MEOX2: variants seen among roughly 807,000 people sequenced by gnomAD.
The protein encoded by MEOX2 is mesenchyme homeobox 2.
In MEOX2, 11 loss-of-function variants were observed where a neutral mutation model predicts 27.0. The observed-to-expected ratio is 0.41, with a 90% CI of 0.26 to 0.68. The LOEUF is 0.68. Among genes scored for constraint, MEOX2 ranks in the 30% least tolerant of loss-of-function variants. The probability of loss-of-function intolerance (pLI) is 0.33; values close to 1 mark genes in which losing one functional copy is unlikely to be tolerated. For synonymous variants in MEOX2, 189 were observed against 155.4 expected, an observed-to-expected ratio of 1.22 and a Z score of -1.61; for missense variants, 436 against 385.4, an observed-to-expected ratio of 1.13 and a Z score of -1.10.
At chr7:15,639,751 T>A (rs892281515) in intron 1 of MEOX2, among the ~76,000 whole-genome samples, 3 of 152,074 alleles carry the variant, frequency 2.0e-5, no homozygotes, top group African/African-American at 7.2e-5. Flanking sequence ...TTTGTTGACT[T>A]TGTTGGAGAT....
At chr7:15,623,805 C>T (rs1178765515) in intron 2 of MEOX2, among the ~76,000 whole-genome samples, 1 of 152,224 alleles carries the variant, frequency 6.6e-6, no homozygotes, top group East Asian at 1.9e-4. Flanking sequence ...TCATTCCTCT[C>T]CTGTGACATT....
At chr7:15,662,638 A>C (rs1781935579) in intron 1 of MEOX2, among the ~76,000 whole-genome samples, 1 of 152,188 alleles carries the variant, frequency 6.6e-6, no homozygotes, top group Non-Finnish European at 1.5e-5. Flanking sequence ...TTTAGTTTCC[A>C]TAGTGTTATA....
chr7:15,636,584 C>T (rs1219117395), intron 1 of MEOX2, among the ~76,000 whole-genome samples: 1 of 151,784 alleles, frequency 6.6e-6, no homozygotes, highest in Admixed American at 6.6e-5. Flanking sequence ...TTGTTTTTTG[C>T]AAAGATTTTC....
chr7:15,651,738 G>C (rs927894412), intron 1 of MEOX2, among the ~76,000 whole-genome samples: 1 of 151,784 alleles, frequency 6.6e-6, no homozygotes, highest in Admixed American at 6.6e-5. Context: ...TGAATTCATA[G>C]TAAGAAAGAC....
chr7:15,666,102 G>T (rs950825996), intron 1 of MEOX2, among the ~76,000 whole-genome samples: 1 of 152,092 alleles, frequency 6.6e-6, no homozygotes, highest in African/African-American at 2.4e-5. Context: ...GGAAATAAAG[G>T]AAGAAATGCC....
At chr7:15,665,605 A>T (rs556504345) in intron 1 of MEOX2, among the ~76,000 whole-genome samples, 2 of 152,218 alleles carry the variant, frequency 1.3e-5, no homozygotes, top group Non-Finnish European at 2.9e-5. Flanking sequence ...CAATTTTACC[A>T]TGTAGTAAAT....
chr7:15,619,022 G>C (rs1380258253), intron 2 of MEOX2, among the ~76,000 whole-genome samples: 2 of 151,954 alleles, frequency 1.3e-5, no homozygotes, highest in African/African-American at 4.8e-5. Context: ...GAAATATGGA[G>C]AATAATTGGT....
At chr7:15,631,249 G>A (rs1347989476) in intron 1 of MEOX2, among the ~76,000 whole-genome samples, 1 of 150,616 alleles carries the variant, frequency 6.6e-6, no homozygotes, top group South Asian at 2.1e-4. Context: ...AAAAATCATT[G>A]TACCTGCTGA....
At chr7:15,630,355 C>T (rs1781382403) in intron 1 of MEOX2, among the ~76,000 whole-genome samples, 1 of 151,990 alleles carries the variant, frequency 6.6e-6, no homozygotes, top group Non-Finnish European at 1.5e-5. Context: ...CAAGAGAATG[C>T]CAAAAGATAA....
At chr7:15,628,604 G>A (rs1437094331) in intron 1 of MEOX2, among the ~76,000 whole-genome samples, 1 of 152,116 alleles carries the variant, frequency 6.6e-6, no homozygotes, top group Non-Finnish European at 1.5e-5. Context: ...GTCATGCACA[G>A]GTTGATTGCA....
intron 1 of MEOX2, among the ~76,000 whole-genome samples, chr7:15,646,930 A>C (rs1430925816): frequency 6.6e-6 from 1 of 151,962 alleles, no homozygotes; most frequent in Admixed American, 6.6e-5. Flanking sequence ...TATTTGCTAC[A>C]TTAAAGGCAA....
At chr7:15,670,205 T>C (rs1229053827) in intron 1 of MEOX2, among the ~76,000 whole-genome samples, 1 of 152,258 alleles carries the variant, frequency 6.6e-6, no homozygotes, top group Non-Finnish European at 1.5e-5. Context: ...CTTACACATG[T>C]GCATTATGTT....
intron 1 of MEOX2, among the ~76,000 whole-genome samples, chr7:15,648,248 CTATT>C (rs769925132): frequency 1.3e-5 from 2 of 151,956 alleles, no homozygotes; most frequent in Non-Finnish European, 2.9e-5. Context: ...TAAAACACAG[CTATT>C]TAAAGAAGTA....
intron 1 of MEOX2, among the ~76,000 whole-genome samples, chr7:15,678,405 T>A (rs1052805090): frequency 2.0e-5 from 3 of 152,334 alleles, no homozygotes; most frequent in Admixed American, 1.3e-4. Flanking sequence ...CTAGTCCCCA[T>A]TACGTTTCGG....
intron 1 of MEOX2, among the ~76,000 whole-genome samples, chr7:15,631,932 G>GTGTGTGTGTGTGTGTGTGTGTGT (rs371386224): frequency 1.7e-4 from 26 of 149,932 alleles, no homozygotes; most frequent in South Asian, 4.2e-4. Context: ...GTGTGTGTGT[G>GTGTGTGTGTGTGTGTGTGTGTGT]GAGAGAAAGA....
At chr7:15,676,484 A>T (rs1015782365) in intron 1 of MEOX2, among the ~76,000 whole-genome samples, 2 of 152,164 alleles carry the variant, frequency 1.3e-5, no homozygotes, top group Admixed American at 6.5e-5. Context: ...TAAAACAGAG[A>T]CCCAAAATTT....
In MEOX2 at chr7:15,613,285, C is replaced by T. The variant is rs575024328; in HGVS notation, c.691-674G>A. Among the ~76,000 whole-genome samples, 42 of 152,000 alleles carry T rather than the reference C, an allele frequency of 2.8e-4. No homozygotes were observed. The South Asian group carries it at 8.5e-3, about 31-fold the overall frequency. On this transcript the variant is annotated intron_variant, in intron 2 of 2. Coordinates refer to ENST00000262041, the MANE Select transcript of MEOX2 (RefSeq NM_005924.5). ...ATGCTAACACCAAGATTATATACTA[C>T]ATCATTCACATCAGCTTTGTACAGG... is the stretch of plus-strand genomic sequence containing the variant.
intron 1 of MEOX2, among the ~76,000 whole-genome samples, chr7:15,652,556 C>A (rs1388264068): frequency 2.0e-5 from 3 of 151,872 alleles, no homozygotes; most frequent in African/African-American, 7.2e-5. Flanking sequence ...AATAAATAAA[C>A]ATATAGTACA....
chr7:15,683,974 T>TGGG (rs200296868), intron 1 of MEOX2, among the ~76,000 whole-genome samples: 6 of 152,044 alleles, frequency 3.9e-5, no homozygotes, highest in African/African-American at 1.4e-4. Flanking sequence ...CCCACTAAGT[T>TGGG]GGGGGGGAGA....
Sources: allele counts gnomAD v4.1 joint callset (sites outside exome capture counted in the v4.1 genomes callset), GRCh38; gene constraint gnomAD v4.1.1; transcripts MANE v1.5; gene names NCBI Gene and HGNC (gene_info 2026-07-23, HGNC 2026-07-21).